The following COG5 variants were observed in gnomAD, a reference collection of about 807,000 sequenced individuals.
The protein encoded by COG5 is component of oligomeric golgi complex 5, also known as conserved oligomeric Golgi complex subunit 5.
A neutral mutation model predicts 110.4 loss-of-function variants in COG5; 86 were observed. The ratio of observed to expected loss-of-function variants is 0.78; its 90% CI spans 0.65 to 0.93. The LOEUF (loss-of-function observed/expected upper bound fraction) is 0.93. Ranked by LOEUF, COG5 falls within the 40% of genes least tolerant of loss-of-function variation. COG5 has a pLI of 0.00. For missense variants in COG5, 1,077 were observed against 987.0 expected (o/e 1.09, Z -1.22); for synonymous variants, 360 against 334.6 (o/e 1.08, Z -0.83).
intron 7 of COG5, among the ~76,000 whole-genome samples, chr7:107,402,668 T>C (rs1238939983): frequency 6.6e-6 from 1 of 152,176 alleles, no homozygotes; most frequent in African/African-American, 2.4e-5. Flanking sequence ...CAGTGAAAGA[T>C]TGTATGGTGA....
intron 8 of COG5, among the ~76,000 whole-genome samples, chr7:107,367,267 C>T (rs1295522727): frequency 1.3e-5 from 2 of 151,906 alleles, no homozygotes; most frequent in East Asian, 3.9e-4. Flanking sequence ...GCACAGTACC[C>T]ATAAAACATT....
Position 107,406,575 on chromosome 7 carries a change from T to G in COG5, c.669+5927A>C, listed in dbSNP as rs562524332. Among the ~76,000 whole-genome samples the G allele has an allele frequency of 4.9e-3, 750 of 152,160 alleles. 11 individuals carry two copies. The highest frequency in any genetic ancestry group is 0.017 in the African/African-American group (709 of 41,538). On this transcript the variant is annotated intron_variant, in intron 7 of 21. Transcript: ENST00000297135. Reference sequence around the variant, plus strand: ...ACAAGACAATAAAATATCTAATATATATTTATTTAGAAACAACTAGGCTAG... The same window carrying G: ...ACAAGACAATAAAATATCTAATATAGATTTATTTAGAAACAACTAGGCTAG...
intron 10 of COG5, among the ~76,000 whole-genome samples, chr7:107,336,872 C>T (rs905095992): frequency 2.0e-5 from 3 of 152,128 alleles, no homozygotes; most frequent in African/African-American, 7.2e-5. Context: ...ATTGCAGCCA[C>T]AGCCAAGACC....
intron 6 of COG5, among the ~76,000 whole-genome samples, chr7:107,427,028 G>A (rs1486991797): frequency 1.3e-5 from 2 of 152,130 alleles, no homozygotes; most frequent in Non-Finnish European, 1.5e-5. Context: ...ACTACTATTC[G>A]ATAATATGGG....
chr7:107,254,570 A>T (rs979537654), intron 16 of COG5, among the ~76,000 whole-genome samples: 1 of 152,154 alleles, frequency 6.6e-6, no homozygotes, highest in Admixed American at 6.6e-5. Context: ...CAAAATTGGT[A>T]TGCCTTAGCA....
chr7:107,297,790 A>C (rs1046334547), intron 12 of COG5, among the ~76,000 whole-genome samples: 2 of 152,086 alleles, frequency 1.3e-5, no homozygotes, highest in Non-Finnish European at 2.9e-5. Context: ...TGTCACATTT[A>C]TGCAAGTGGT....
chr7:107,500,542 T>G (rs2250414), intron 6 of COG5, among the ~76,000 whole-genome samples: 42,869 of 151,972 alleles, frequency 0.28, 6,083 homozygotes, highest in East Asian at 0.33. Context: ...TAGTATAAAC[T>G]GATTGGATTT....
At chr7:107,295,077 ATATATATATATATATATATATATATT>A (rs1806596727) in intron 12 of COG5, among the ~76,000 whole-genome samples, 1 of 55,310 alleles carries the variant, frequency 1.8e-5, no homozygotes, top group African/African-American at 9.3e-5. Flanking sequence ...ATATATATAT[ATATATATATATATATATATATATATT>A]TTTTTTTTTT....
chr7:107,389,573 G>C (rs1790464409), intron 7 of COG5, among the ~76,000 whole-genome samples: 1 of 152,136 alleles, frequency 6.6e-6, no homozygotes, highest in Non-Finnish European at 1.5e-5. Context: ...GAAAGTAACG[G>C]ATTTCACTTT....
intron 3 of COG5, among the ~76,000 whole-genome samples, chr7:107,552,075 T>C (rs1369925854): frequency 1.3e-5 from 2 of 152,218 alleles, no homozygotes; most frequent in African/African-American, 4.8e-5. Context: ...TTGAACATCA[T>C]TCTGGGAAAA....
chr7:107,442,893 T>G (rs1372040014), intron 6 of COG5, among the ~76,000 whole-genome samples: 3 of 152,152 alleles, frequency 2.0e-5, no homozygotes, highest in African/African-American at 7.2e-5. Context: ...AGTATAACTC[T>G]CCAGTTCCTT....
intron 3 of COG5, among the ~76,000 whole-genome samples, chr7:107,552,147 G>A (rs374685722): frequency 5.9e-5 from 9 of 152,174 alleles, no homozygotes; most frequent in African/African-American, 1.4e-4. Context: ...TTTCTGTTGC[G>A]GTGATTCATC....
At chr7:107,381,644 A>G (rs987006607) in intron 7 of COG5, among the ~76,000 whole-genome samples, 3 of 152,218 alleles carry the variant, frequency 2.0e-5, no homozygotes, top group Non-Finnish European at 4.4e-5. Flanking sequence ...CAGGCTTCTC[A>G]TAACTTTGGA....
At chr7:107,234,750 A>C (rs959396676) in intron 18 of COG5, among the ~76,000 whole-genome samples, 2 of 152,128 alleles carry the variant, frequency 1.3e-5, no homozygotes, top group Non-Finnish European at 2.9e-5. Flanking sequence ...GGAAGAGGAG[A>C]ACAGAGACCA....
chr7:107,463,140 G>C (rs755693786), intron 6 of COG5, among the ~76,000 whole-genome samples: 1 of 152,330 alleles, frequency 6.6e-6, no homozygotes, highest in South Asian at 2.1e-4. Context: ...ATCCAGGGCC[G>C]TAATGAGTCA....
At position 107,342,552 on chromosome 7, in the gene COG5, C is replaced by T. The variant is rs113037011; in HGVS notation, c.1027-18031G>A. On this transcript the variant is annotated intron_variant, in intron 10 of 21. Transcript: ENST00000297135. ...AATTAGCTGGGCATGGTGGTGGGCA[C>T]CTGTGATCTCAGCTACTTGGGAAGC... Among the ~76,000 whole-genome samples, 1,298 of 152,018 alleles carry T rather than the reference C, an allele frequency of 8.5e-3. 24 individuals carry two copies. Among genetic ancestry groups the T allele is most frequent in the African/African-American group, 0.029 (1,183 of 41,452 alleles).
intron 6 of COG5, among the ~76,000 whole-genome samples, chr7:107,468,475 T>C (rs530362191): frequency 6.6e-6 from 1 of 152,180 alleles, no homozygotes; most frequent in Non-Finnish European, 1.5e-5. Context: ...TATAAATGGC[T>C]GGCATTCTAG....
chr7:107,470,512 T>C (rs574383195), intron 6 of COG5: 2 of 152,262 alleles, frequency 1.3e-5, no homozygotes, highest in Admixed American at 6.6e-5. Flanking sequence ...AAAATTACTT[T>C]GAAAAATTTC....
intron 11 of COG5, among the ~76,000 whole-genome samples, chr7:107,300,652 C>T (rs908957573): frequency 6.6e-6 from 1 of 151,956 alleles, no homozygotes; most frequent in Non-Finnish European, 1.5e-5. Flanking sequence ...ACTACAAAAA[C>T]AATGCTGAGA....
Sources: gnomAD v4.1 joint callset for allele counts (sites outside exome capture counted in the v4.1 genomes callset) on GRCh38, gnomAD v4.1.1 for gene constraint, MANE v1.5 for transcripts, NCBI Gene and HGNC (gene_info 2026-07-23, HGNC 2026-07-21) for gene names.